Variants in LRIG2 observed in about 807,000 individuals in gnomAD.
The protein encoded by LRIG2 is leucine-rich repeats and immunoglobulin-like domains protein 2.
LRIG2 carries 93 observed loss-of-function variants against 107.8 expected under a neutral mutation model. The ratio of observed to expected loss-of-function variants is 0.86; its 90% confidence interval spans 0.73 to 1.03. The LOEUF is 1.03. Among genes scored for constraint, LRIG2 ranks in the 50% least tolerant of loss-of-function variants. The probability of loss-of-function intolerance (pLI) is 0.00; values close to 1 mark genes in which losing one functional copy is unlikely to be tolerated. For synonymous variants in LRIG2, 471 were observed against 470.6 expected, an observed-to-expected ratio of 1.00 and a Z score of -0.01; for missense variants, 1,226 against 1,296.0, an observed-to-expected ratio of 0.95 and a Z score of 0.83.
At chr1:113,098,023 AG>A (rs1265134445) in intron 8 of LRIG2, among the ~76,000 whole-genome samples, 4 of 152,214 alleles carry the variant, frequency 2.6e-5, no homozygotes, top group Non-Finnish European at 4.4e-5. Flanking sequence ...AGATGACTTA[AG>A]GAAGCAAAAG....
intron 1 of LRIG2, among the ~76,000 whole-genome samples, chr1:113,090,829 C>T (rs1013382210): frequency 2.1e-5 from 3 of 145,608 alleles, no homozygotes; most frequent in East Asian, 2.1e-4. Context: ...CAGAGCGAGA[C>T]TCCGTCTCAA....
intron 1 of LRIG2, among the ~76,000 whole-genome samples, chr1:113,080,091 G>A (rs1402774806): frequency 1.4e-5 from 2 of 147,166 alleles, no homozygotes; most frequent in Non-Finnish European, 3.0e-5. Context: ...CACAATCTCG[G>A]CTCACTGCAA....
At chr1:113,095,495 GC>G (rs1326598970) in intron 6 of LRIG2, among the ~76,000 whole-genome samples, 1 of 151,346 alleles carries the variant, frequency 6.6e-6, no homozygotes, top group Non-Finnish European at 1.5e-5. Context: ...TGCAACCTCT[GC>G]CTCATGGGTT....
chr1:113,095,678 A>T (rs1557905269), intron 6 of LRIG2, among the ~76,000 whole-genome samples, 196 bp from the exon 7 acceptor site: 1 of 152,172 alleles, frequency 6.6e-6, no homozygotes, highest in East Asian at 1.9e-4. Context: ...AAGTGCTGGG[A>T]TTACAGGCAT....
In LRIG2 at chr1:113,094,762, A is replaced by T. The variant is rs756554537; in HGVS notation, c.803+7A>T. ...TGAATAACATGGAAGAACTGTAAGTACTCGGGACTAGAGGTGATTATTAGG... is the reference window on the plus strand; with the variant it reads ...TGAATAACATGGAAGAACTGTAAGTTCTCGGGACTAGAGGTGATTATTAGG... On this transcript the variant is annotated splice_region_variant and intron_variant, in intron 6 of 17. Coordinates refer to ENST00000361127, the MANE Select transcript of LRIG2 (RefSeq NM_014813.3). 1 of 1,612,986 alleles carries T rather than the reference A, an allele frequency of 6.2e-7. No homozygotes were observed. The highest frequency in any genetic ancestry group is 8.5e-7 in the Non-Finnish European group (1 of 1,179,366).
Position 113,128,889 on chromosome 1 carries a change from ACT to A in LRIG2, c.*4792_*4793del, listed in dbSNP as rs1305374206. On this transcript the variant is annotated 3_prime_UTR_variant, in exon 18 of 18. Transcript: ENST00000361127. ...TCGAAGTTATCCCTATAATTATATT[ACT>A]CTCGCTCAAATTCTGATAGATTTCC... 6.6e-6 allele frequency: 1 copy of A among 152,090 alleles called. No homozygotes were observed. Among genetic ancestry groups the A allele is most frequent in the East Asian group, 1.9e-4 (1 of 5,192 alleles). The allele number at this position is 152,090 out of a possible 1,614,324, so 9.4% of individuals were successfully genotyped here.
At chr1:113,096,068 G>A in intron 7 of LRIG2, 51 bp downstream of exon 7, 3 of 1,608,202 alleles carry the variant, frequency 1.9e-6, no homozygotes, top group Non-Finnish European at 2.6e-6. Context: ...AGAGCAGATT[G>A]GAATAAATCA....
At chr1:113,093,000 GAAA>G (rs200575974) in intron 2 of LRIG2, among the ~76,000 whole-genome samples, 2 of 142,006 alleles carry the variant, frequency 1.4e-5, no homozygotes, top group African/African-American at 5.2e-5. Context: ...AAAAAAAAAA[GAAA>G]AAAAAAAGAA....
intron 12 of LRIG2, among the ~76,000 whole-genome samples, chr1:113,108,998 T>C (rs772495347): frequency 6.6e-6 from 1 of 152,222 alleles, no homozygotes; most frequent in Non-Finnish European, 1.5e-5. Flanking sequence ...TGAGTACCTA[T>C]ATATTGCCAA....
intron 17 of LRIG2, 142 bp from the exon 18 acceptor site, chr1:113,123,727 TTGTGTG>T (rs66524955): frequency 4.2e-5 from 25 of 597,066 alleles, no homozygotes; most frequent in South Asian, 8.2e-5. Flanking sequence ...GTGGTGGTTT[TTGTGTG>T]TGTGTGTGTG....
In LRIG2 at chr1:113,110,381, C is replaced by T; in HGVS notation, c.1617C>T (p.Ile539=). 1 of 1,614,140 alleles carries T rather than the reference C, an allele frequency of 6.2e-7. No individual in the cohort carries two copies. The highest frequency in any genetic ancestry group is 8.5e-7 in the Non-Finnish European group (1 of 1,180,030). Residue 539 remains isoleucine, a synonymous_variant, in exon 13 of 18, where the codon ATC becomes ATT. Transcript: ENST00000361127. ...CTGTGTGGCGCAAAGACAGTGAAAT[C>T]CTGTATGACGTGGATACTGAGAATT... ...MSTVWRKDSE[I]LYDVDTENFV... is the part of the protein sequence containing the mutation.
chr1:113,112,440 C>T (rs766492893), intron 13 of LRIG2, 39 bp from the exon 14 acceptor site: 1 of 1,576,118 alleles, frequency 6.3e-7, no homozygotes, highest in South Asian at 1.2e-5. Context: ...TGTCTTTGTT[C>T]CCTTGCCCAC....
intron 15 of LRIG2, among the ~76,000 whole-genome samples, 159 bp from the exon 16 acceptor site, chr1:113,116,128 G>A (rs1415630168): frequency 1.3e-5 from 2 of 152,212 alleles, no homozygotes; most frequent in Non-Finnish European, 2.9e-5. Flanking sequence ...GAATTCTAGT[G>A]AGAAATAGTT....
chr1:113,104,811 G>A (rs550303086), intron 11 of LRIG2, among the ~76,000 whole-genome samples: 2 of 152,184 alleles, frequency 1.3e-5, no homozygotes, highest in Non-Finnish European at 2.9e-5. Context: ...GATACTGAAT[G>A]CCTCCAAAAT....
chr1:113,109,038 T>C (rs908450667), intron 12 of LRIG2, among the ~76,000 whole-genome samples: 1 of 152,198 alleles, frequency 6.6e-6, no homozygotes. Flanking sequence ...TTAAAGATGG[T>C]TGGAACAGAA....
At position 113,107,607 on chromosome 1, in the gene LRIG2, A is replaced by G; in HGVS notation, c.1327A>G (p.Ser443Gly). ...THLKELILNT[S>G]SLLCDCHLKW... ...TCTTTCCTGCAGGATTCTGAACACA[A>G]GCAGTTTGCTCTGTGACTGCCATTT... is the stretch of plus-strand genomic sequence containing the variant. The change falls in exon 12 of 18, where the codon AGC (serine) becomes GGC (glycine). Residue 443 changes from serine (S) to glycine (G), a missense_variant. Transcript: ENST00000361127. 6.2e-7 allele frequency: 1 copy of G among 1,609,396 alleles called. No homozygotes were observed. The highest frequency in any genetic ancestry group is 2.2e-5 in the East Asian group (1 of 44,790).
chr1:113,087,746 C>A (rs979197081), intron 1 of LRIG2, among the ~76,000 whole-genome samples: 2 of 152,168 alleles, frequency 1.3e-5, no homozygotes, highest in Admixed American at 1.3e-4. Context: ...TATGCCTGTG[C>A]ACTCCTGTGT....
intron 1 of LRIG2, among the ~76,000 whole-genome samples, chr1:113,087,782 G>C (rs1653625751): frequency 6.6e-6 from 1 of 152,194 alleles, no homozygotes; most frequent in Non-Finnish European, 1.5e-5. Flanking sequence ...TCAAATTCCA[G>C]AGTGAAATTA....
chr1:113,123,727 T>TTTTGTGTGTGTGTG (rs1437564600), intron 17 of LRIG2, 148 bp from the exon 18 acceptor site: 1 of 596,548 alleles, frequency 1.7e-6, no homozygotes, highest in African/African-American at 2.0e-5. Flanking sequence ...GTGGTGGTTT[T>TTTTGTGTGTGTGTG]TGTGTGTGTG....
Sources: allele counts gnomAD v4.1 joint callset (sites outside exome capture counted in the v4.1 genomes callset), GRCh38; gene constraint gnomAD v4.1.1; transcripts MANE v1.5; gene names NCBI Gene and HGNC (gene_info 2026-07-23, HGNC 2026-07-21).